Variants in SLC13A3 observed in about 807,000 individuals in gnomAD.
SLC13A3 encodes solute carrier family 13 member 3.
In SLC13A3, 40 loss-of-function variants were observed where a neutral mutation model predicts 59.0. The ratio of observed to expected loss-of-function variants is 0.68; its 90% CI spans 0.53 to 0.88. SLC13A3 has a LOEUF of 0.88. Ranked by LOEUF, SLC13A3 falls within the 40% of genes least tolerant of loss-of-function variation. SLC13A3 has a pLI of 0.00. For missense variants in SLC13A3, 699 were observed against 783.2 expected (o/e 0.89, Z 1.28); for synonymous variants, 317 against 330.3 (o/e 0.96, Z 0.44).
chr20:46,674,604 C>CGT (rs58582046), upstream of SLC13A3, among the ~76,000 whole-genome samples: 1,523 of 127,894 alleles, frequency 0.012, 28 homozygotes, highest in African/African-American at 0.035. Context: ...CGCGCGCGCG[C>CGT]GTGTGTGTGT....
intron 1 of SLC13A3, among the ~76,000 whole-genome samples, chr20:46,679,090 C>A (rs2063141089): frequency 6.6e-6 from 1 of 152,164 alleles, no homozygotes; most frequent in Non-Finnish European, 1.5e-5. Flanking sequence ...GAACTGTAAG[C>A]CAATTAAGCC....
At chr20:46,618,628 G>A (rs950075732) in intron 1 of SLC13A3, among the ~76,000 whole-genome samples, 1 of 152,230 alleles carries the variant, frequency 6.6e-6, no homozygotes, top group Non-Finnish European at 1.5e-5. Context: ...ATAAGGCACT[G>A]TCTTTGAAGC....
chr20:46,626,161 CCTT>C (rs1477041133), intron 1 of SLC13A3, among the ~76,000 whole-genome samples: 1 of 150,844 alleles, frequency 6.6e-6, no homozygotes, highest in Non-Finnish European at 1.5e-5. Flanking sequence ...CTCTCTCCCC[CCTT>C]CTTTTTCTCT....
intron 1 of SLC13A3, among the ~76,000 whole-genome samples, chr20:46,634,016 C>A (rs1477804643): frequency 6.6e-6 from 1 of 152,170 alleles, no homozygotes; most frequent in Non-Finnish European, 1.5e-5. Context: ...GGGCCCTAGT[C>A]CTGATCTTAT....
intron 2 of SLC13A3, among the ~76,000 whole-genome samples, chr20:46,612,188 G>A (rs1401827715): frequency 7.9e-6 from 1 of 126,794 alleles, no homozygotes; most frequent in South Asian, 2.7e-4. Flanking sequence ...AGTACAGTGA[G>A]TGGCGTGATC....
chr20:46,655,744 T>C (rs1278956831), upstream of SLC13A3, among the ~76,000 whole-genome samples: 1 of 145,274 alleles, frequency 6.9e-6, no homozygotes, highest in Non-Finnish European at 1.5e-5. Flanking sequence ...ATATATATAC[T>C]ATATATATAT....
chr20:46,584,390 T>C (rs949233877), intron 8 of SLC13A3: 1 of 985,432 alleles, frequency 1.0e-6, no homozygotes, highest in Non-Finnish European at 1.2e-6. Flanking sequence ...CAATAAGGAA[T>C]TGGTTAAATA....
chr20:46,662,520 C>T (rs990943957), intron 1 of SLC13A3, among the ~76,000 whole-genome samples: 6 of 152,016 alleles, frequency 3.9e-5, no homozygotes, highest in Admixed American at 1.3e-4. Flanking sequence ...TATGGGTACC[C>T]GATATAGCAG....
At chr20:46,674,373 AGGCCTGGGCCTTCCT>A (rs916005065), upstream of SLC13A3, among the ~76,000 whole-genome samples, 10 of 152,202 alleles carry the variant, frequency 6.6e-5, 1 homozygote. Flanking sequence ...GGAAGGGGGC[AGGCCTGGGCCTTCCT>A]GGCCTGGATC....
rs994742475 is a variant in SLC13A3, at chr20:46,559,836, T to A, written c.*186A>T. On this transcript the variant is annotated 3_prime_UTR_variant, in exon 13 of 13. Coordinates refer to ENST00000279027, the MANE Select transcript of SLC13A3 (RefSeq NM_022829.6). ...AGAGATACCTGGGCTTTGAACTGCA[T>A]GAAAGAGAGAGAAAGTATCCTAGAT... 3.8e-5 allele frequency: 22 copies of A among 586,160 alleles called. No homozygotes were observed. Among genetic ancestry groups the A allele is most frequent in the Non-Finnish European group, 6.0e-5 (20 of 334,440 alleles). The allele number at this position is 586,160 out of a possible 1,614,324, so 36.3% of individuals were successfully genotyped here.
At chr20:46,651,594 G>A (rs1026993491), upstream of SLC13A3, 3 of 1,269,772 alleles carry the variant, frequency 2.4e-6, no homozygotes, top group Non-Finnish European at 3.0e-6. Flanking sequence ...GGGTGAAAGA[G>A]GCCCGGGAAC....
At chr20:46,639,873 G>A (rs140647357) in intron 1 of SLC13A3, among the ~76,000 whole-genome samples, 1 of 152,276 alleles carries the variant, frequency 6.6e-6, no homozygotes, top group Non-Finnish European at 1.5e-5. Flanking sequence ...GGGTCATACT[G>A]CATGGCTGAG....
At chr20:46,637,902 AC>A (rs1179105892) in intron 1 of SLC13A3, among the ~76,000 whole-genome samples, 2 of 151,868 alleles carry the variant, frequency 1.3e-5, no homozygotes, top group Non-Finnish European at 2.9e-5. Flanking sequence ...GGGACATACC[AC>A]CCCAGGTGAG....
Position 46,592,542 on chromosome 20 carries a change from GGGAGATGAGAACA to G in SLC13A3, c.795-26_795-14del. 1 of 1,612,918 alleles carries G rather than the reference GGGAGATGAGAACA, an allele frequency of 6.2e-7. No individual in the cohort carries two copies. Among genetic ancestry groups the G allele is most frequent in the Non-Finnish European group, 8.5e-7 (1 of 1,179,228 alleles). ...CTGCGGAAAGAAACTGGAGAACAGC[GGGAGATGAGAACA>G]GGCCAAGGGCAGCCATGCCCATTTT... is the stretch of plus-strand genomic sequence containing the variant. On this transcript the variant is annotated splice_polypyrimidine_tract_variant and intron_variant, in intron 5 of 12. Transcript: ENST00000279027.
intron 6 of SLC13A3, among the ~76,000 whole-genome samples, chr20:46,591,257 A>G (rs750955263): frequency 1.3e-5 from 2 of 152,350 alleles, no homozygotes; most frequent in East Asian, 1.9e-4. Context: ...ATGTCTGCTC[A>G]TATTTGCTTA....
At chr20:46,627,981 G>A (rs2062693705) in intron 1 of SLC13A3, among the ~76,000 whole-genome samples, 1 of 152,138 alleles carries the variant, frequency 6.6e-6, no homozygotes, top group Non-Finnish European at 1.5e-5. Flanking sequence ...AATCATAGAG[G>A]GGAGTCCAGG....
intron 1 of SLC13A3, among the ~76,000 whole-genome samples, chr20:46,629,513 C>A (rs138525247): frequency 1.3e-5 from 2 of 152,152 alleles, no homozygotes. Context: ...TCTTCAGGAA[C>A]ACCAATTATG....
upstream of SLC13A3, among the ~76,000 whole-genome samples, chr20:46,655,302 TAC>T (rs532210731): frequency 1.1e-4 from 16 of 150,532 alleles, no homozygotes; most frequent in African/African-American, 2.9e-4. Context: ...TACACATATA[TAC>T]ACACACATAT....
chr20:46,593,807 G>A (rs1045716893), intron 5 of SLC13A3, among the ~76,000 whole-genome samples: 1 of 152,050 alleles, frequency 6.6e-6, no homozygotes, highest in Admixed American at 6.5e-5. Flanking sequence ...TGTATTAAGA[G>A]CATAGTGGCA....
Sources: gnomAD v4.1 joint callset for allele counts (sites outside exome capture counted in the v4.1 genomes callset) on GRCh38, gnomAD v4.1.1 for gene constraint, MANE v1.5 for transcripts, NCBI Gene and HGNC (gene_info 2026-07-23, HGNC 2026-07-21) for gene names.